CATSPERE: variants seen among roughly 807,000 people sequenced by gnomAD.
CATSPERE encodes the protein cation channel sperm-associated auxiliary subunit epsilon.
Under a neutral mutation model 114.1 loss-of-function variants are expected in CATSPERE, and 93 were observed. The observed-to-expected ratio is 0.81, with a 90% CI of 0.69 to 0.97. The LOEUF is 0.97. CATSPERE is among the 50% of genes least tolerant of loss of function. The pLI is 0.00. For missense variants in CATSPERE, 1,058 were observed against 1,131.6 expected (o/e 0.93, Z 0.93); for synonymous variants, 341 against 384.1 (o/e 0.89, Z 1.31).
chr1:244,640,066 A>C lies in CATSPERE; in HGVS notation c.2841A>C (p.Lys947Asn), dbSNP rs747257340. 2 of 1,548,754 alleles carry C rather than the reference A, an allele frequency of 1.3e-6. No homozygotes were observed. The highest frequency in any genetic ancestry group is 4.9e-5 in the East Asian group (2 of 40,874). ...AACCACTTCACAAACCTCAAAGAAAACGTAAGAAGAATTAGGAAAACTGAA... is the reference window on the plus strand; with the variant it reads ...AACCACTTCACAAACCTCAAAGAAACCGTAAGAAGAATTAGGAAAACTGAA... Reference protein sequence around the residue: ...IYEPLHKPQRKRKKN With the variant: ...IYEPLHKPQRNRKKN The change falls in exon 22 of 22, where the codon AAA becomes AAC. Residue 947 changes from lysine (K) to asparagine (N), a missense_variant. Physicochemically the swap from Lys to Asn is moderately conservative, Grantham distance 94. Transcript: ENST00000366534.
At chr1:244,464,345 A>G (rs550542969) in intron 2 of CATSPERE, among the ~76,000 whole-genome samples, 194 of 152,308 alleles carry the variant, frequency 1.3e-3, no homozygotes, top group Non-Finnish European at 2.4e-3. Flanking sequence ...TCTCTATATT[A>G]CTTTTCTTAT....
At chr1:244,545,917 C>A (rs1399008702) in intron 8 of CATSPERE, among the ~76,000 whole-genome samples, 2 of 152,216 alleles carry the variant, frequency 1.3e-5, no homozygotes, top group African/African-American at 2.4e-5. Flanking sequence ...TCTCATGGGG[C>A]ATTCCCTACA....
chr1:244,466,774 C>T (rs1420187321), intron 2 of CATSPERE, among the ~76,000 whole-genome samples: 2 of 152,134 alleles, frequency 1.3e-5, no homozygotes, highest in Non-Finnish European at 2.9e-5. Flanking sequence ...GAGATCAGGA[C>T]CTGGAGGAAA....
At chr1:244,616,106 G>T (rs1558600165) in intron 19 of CATSPERE, among the ~76,000 whole-genome samples, 1 of 152,094 alleles carries the variant, frequency 6.6e-6, no homozygotes, top group Non-Finnish European at 1.5e-5. Context: ...TCCAGCCGGG[G>T]TGTCAGAGCG....
intron 8 of CATSPERE, among the ~76,000 whole-genome samples, chr1:244,538,581 C>A (rs933699748): frequency 1.3e-5 from 2 of 152,198 alleles, no homozygotes; most frequent in African/African-American, 4.8e-5. Flanking sequence ...TGAAACACCC[C>A]ATTGGACTGC....
At position 244,477,569 on chromosome 1, in the gene CATSPERE, T is replaced by C. The variant is rs1191601876; in HGVS notation, c.143T>C (p.Phe48Ser). The C allele has an allele frequency of 6.2e-7, 1 of 1,601,132 alleles. No individual in the cohort carries two copies. Among genetic ancestry groups the C allele is most frequent in the Admixed American group, 1.7e-5 (1 of 59,678 alleles). Residue 48 changes from phenylalanine to serine, a missense_variant, in exon 3 of 22, where the codon TTT (phenylalanine) becomes TCT (serine). Coordinates refer to ENST00000366534, the MANE Select transcript of CATSPERE (RefSeq NM_001130957.2). The part of the protein sequence containing the change: ...TIKLEYEGTL[F>S]TEWSVPETCF... ...AAGTTAGAGTATGAAGGAACATTAT[T>C]TACTGAGTGGAGTGTGCCAGAAACT... is the stretch of plus-strand genomic sequence containing the variant.
intron 17 of CATSPERE, among the ~76,000 whole-genome samples, chr1:244,605,269 T>C (rs916271360): frequency 6.6e-6 from 1 of 152,180 alleles, no homozygotes; most frequent in Non-Finnish European, 1.5e-5. Context: ...GCTCTGCCCT[T>C]TCTCCATCCA....
intron 2 of CATSPERE, among the ~76,000 whole-genome samples, chr1:244,476,362 CTT>C (rs5782298): frequency 0.08 from 12,176 of 152,036 alleles, 678 homozygotes; most frequent in East Asian, 0.21. Flanking sequence ...TTTTTTAAGT[CTT>C]TGACTACCTT....
rs553035854 is a variant in CATSPERE at position 244,588,946 on chromosome 1, A to G, written c.2138+412A>G. Among the ~76,000 whole-genome samples the G allele has an allele frequency of 1.5e-3, 226 of 152,294 alleles. 1 individual carries two copies. Among genetic ancestry groups the G allele is most frequent in the Non-Finnish European group, 2.1e-3 (140 of 68,028 alleles). On this transcript the variant is annotated intron_variant, in intron 14 of 21. Transcript: ENST00000366534. ...TCAGAGAACTGCTTACACCCATATC[A>G]GAGAAGCCTCAGTTTTCTGCACCAT...
intron 7 of CATSPERE, among the ~76,000 whole-genome samples, chr1:244,515,107 C>T (rs1048077018): frequency 6.6e-6 from 1 of 152,188 alleles, no homozygotes; most frequent in Non-Finnish European, 1.5e-5. Flanking sequence ...TTTTCCAAAG[C>T]ATACAATGCT....
chr1:244,459,084 T>TC (rs1666413004), upstream of CATSPERE, among the ~76,000 whole-genome samples: 1 of 151,180 alleles, frequency 6.6e-6, no homozygotes, highest in Non-Finnish European at 1.5e-5. Flanking sequence ...GCTCAGCTTT[T>TC]TTTTTTTTTT....
At chr1:244,541,905 G>T (rs1180151363) in intron 8 of CATSPERE, among the ~76,000 whole-genome samples, 1 of 141,720 alleles carries the variant, frequency 7.1e-6, no homozygotes, top group Non-Finnish European at 1.5e-5. Context: ...ACTATCGCAA[G>T]AACAAAAAAC....
At chr1:244,613,810 C>T (rs1269278259) in intron 19 of CATSPERE, among the ~76,000 whole-genome samples, 1 of 152,194 alleles carries the variant, frequency 6.6e-6, no homozygotes, top group African/African-American at 2.4e-5. Flanking sequence ...AAAATTCCAT[C>T]TCCAGTACAG....
At chr1:244,601,300 GTGCTTAATAATTTT>G (rs1669182290) in intron 17 of CATSPERE, among the ~76,000 whole-genome samples, 1 of 152,114 alleles carries the variant, frequency 6.6e-6, no homozygotes, top group Non-Finnish European at 1.5e-5. Flanking sequence ...ATTTCAACAT[GTGCTTAATAATTTT>G]TTCCAGAAGG....
chr1:244,509,241 T>C (rs1473122124), intron 7 of CATSPERE, among the ~76,000 whole-genome samples: 1 of 151,830 alleles, frequency 6.6e-6, no homozygotes, highest in African/African-American at 2.4e-5. Flanking sequence ...TGTTGAGGTA[T>C]GTTCCTTCTA....
In CATSPERE at chr1:244,575,481, G is replaced by T. The variant is rs116709728; in HGVS notation, c.1950+2709G>T. Among the ~76,000 whole-genome samples the T allele has an allele frequency of 6.6e-6, 1 of 152,140 alleles. No homozygotes were observed. Among genetic ancestry groups the T allele is most frequent in the African/African-American group, 2.4e-5 (1 of 41,438 alleles). On this transcript the variant is annotated intron_variant, in intron 11 of 21. Transcript: ENST00000366534. The surrounding 1 kb of genome is among the most constrained non-coding windows in gnomAD (Gnocchi z 4.5). ...AGGCGTCCATGGCCAGCTGTCCTCCGAGGGTGGCAGGACGTACCTGAGCAG... is the reference window on the plus strand; with the variant it reads ...AGGCGTCCATGGCCAGCTGTCCTCCTAGGGTGGCAGGACGTACCTGAGCAG...
intron 5 of CATSPERE, 142 bp from the exon 6 acceptor site, chr1:244,490,305 A>G: frequency 1.9e-6 from 1 of 537,606 alleles, no homozygotes. Flanking sequence ...TTGTTTTTAC[A>G]TTTAGCCTTT....
chr1:244,630,421 A>G (rs1371218462), intron 20 of CATSPERE, among the ~76,000 whole-genome samples: 1 of 152,138 alleles, frequency 6.6e-6, no homozygotes, highest in Non-Finnish European at 1.5e-5. Context: ...TGGTGTGGGG[A>G]GGAGGGAATA....
At chr1:244,571,306 G>T (rs903768111) in intron 10 of CATSPERE, among the ~76,000 whole-genome samples, 3 of 152,166 alleles carry the variant, frequency 2.0e-5, no homozygotes, top group Non-Finnish European at 2.9e-5. Context: ...GAACCTCCCT[G>T]ACTTGATGAA....
Sources: allele counts gnomAD v4.1 joint callset (sites outside exome capture counted in the v4.1 genomes callset), GRCh38; gene constraint gnomAD v4.1.1; non-coding constraint Gnocchi (gnomAD v3.1); transcripts MANE v1.5; gene names NCBI Gene and HGNC (gene_info 2026-07-23, HGNC 2026-07-21).